The following OR1J2 variants were observed in gnomAD, a reference collection of about 807,000 sequenced individuals.
OR1J2 encodes olfactory receptor family 1 subfamily J member 2, also known as olfactory receptor 1J2.
For synonymous variants in OR1J2, 142 were observed against 99.7 expected, an observed-to-expected ratio of 1.42 and a Z score of -2.52; for missense variants, 304 against 246.1, an observed-to-expected ratio of 1.24 and a Z score of -1.57.
At chr9:122,462,875 C>T in the OR1J2 span, among the ~76,000 whole-genome samples, 2 of 152,088 alleles carry the variant, frequency 1.3e-5, no homozygotes, top group African/African-American at 2.4e-5. Context: ...TCATCTTGAC[C>T]TTAGATAACT....
chr9:122,579,424 G>A, the OR1J2 span, among the ~76,000 whole-genome samples: 15 of 151,982 alleles, frequency 9.9e-5, no homozygotes, highest in Middle Eastern at 3.2e-3. Flanking sequence ...AGATAAAGTC[G>A]CTCTTTCTCT....
At chr9:122,530,970 G>T in the OR1J2 span, among the ~76,000 whole-genome samples, 1 of 152,110 alleles carries the variant, frequency 6.6e-6, no homozygotes, top group Non-Finnish European at 1.5e-5. Context: ...GGTCACAGGG[G>T]ATATGATGGC....
At chr9:122,551,757 T>A in the OR1J2 span, among the ~76,000 whole-genome samples, 1 of 152,028 alleles carries the variant, frequency 6.6e-6, no homozygotes, top group African/African-American at 2.4e-5. Context: ...AGGTCGACCT[T>A]AACGAGCACA....
At chr9:122,551,867 C>A in the OR1J2 span, among the ~76,000 whole-genome samples, 1 of 152,126 alleles carries the variant, frequency 6.6e-6, no homozygotes, top group South Asian at 2.1e-4. Context: ...TCAGGTATTT[C>A]TAATAAACTC....
chr9:122,527,266 A>G, the OR1J2 span: 1 of 1,611,322 alleles, frequency 6.2e-7, no homozygotes, highest in Non-Finnish European at 8.5e-7. Flanking sequence ...CGGAGGAAAA[A>G]TTCAGAAATG....
the OR1J2 span, among the ~76,000 whole-genome samples, chr9:122,521,561 C>T: frequency 8.5e-5 from 13 of 152,332 alleles, no homozygotes; most frequent in Non-Finnish European, 1.5e-4. Flanking sequence ...GTGCCACCCC[C>T]ACTCCTTGCT....
the OR1J2 span, among the ~76,000 whole-genome samples, chr9:122,501,480 C>T: frequency 6.6e-6 from 1 of 152,148 alleles, no homozygotes; most frequent in Non-Finnish European, 1.5e-5. Flanking sequence ...GGGAACAGTT[C>T]CTCTCCTCAA....
chr9:122,572,091 G>A, the OR1J2 span, among the ~76,000 whole-genome samples: 36,403 of 151,912 alleles, frequency 0.24, 4,681 homozygotes, highest in African/African-American at 0.26. Flanking sequence ...GGGGGGAGGC[G>A]CTACACACTT....
the OR1J2 span, among the ~76,000 whole-genome samples, chr9:122,532,558 G>A: frequency 6.8e-6 from 1 of 146,886 alleles, no homozygotes; most frequent in African/African-American, 2.6e-5. Flanking sequence ...AATTGTGGGA[G>A]ACTCAACAAA....
At chr9:122,460,167 G>A in the OR1J2 span, among the ~76,000 whole-genome samples, 14 of 46,696 alleles carry the variant, frequency 3.0e-4, no homozygotes, top group African/African-American at 1.7e-3. Flanking sequence ...GTATGTATAT[G>A]TGTGTGTGTG....
the OR1J2 span, among the ~76,000 whole-genome samples, chr9:122,523,920 C>G: frequency 1.3e-5 from 2 of 152,198 alleles, no homozygotes; most frequent in Non-Finnish European, 2.9e-5. Context: ...GCTCATTACC[C>G]TACCAAGGTG....
chr9:122,552,197 G>A, the OR1J2 span, among the ~76,000 whole-genome samples: 6 of 151,976 alleles, frequency 3.9e-5, no homozygotes, highest in Admixed American at 3.3e-4. Context: ...ATGAACCAAA[G>A]AACAAATGGA....
the OR1J2 span, chr9:122,553,160 A>T: frequency 6.3e-7 from 1 of 1,579,602 alleles, no homozygotes; most frequent in African/African-American, 1.4e-5. Context: ...TAATAAATAA[A>T]TACTGACACA....
the OR1J2 span, among the ~76,000 whole-genome samples, chr9:122,497,048 CT>C: frequency 1.3e-5 from 2 of 152,170 alleles, no homozygotes; most frequent in Non-Finnish European, 2.9e-5. Flanking sequence ...TCCTTCCCCC[CT>C]GTACATCCCG....
chr9:122,479,737 T>C, the OR1J2 span, among the ~76,000 whole-genome samples: 1 of 152,224 alleles, frequency 6.6e-6, no homozygotes, highest in Non-Finnish European at 1.5e-5. Context: ...CTTATTTTGG[T>C]CTATTCTTTT....
At chr9:122,533,046 G>A in the OR1J2 span, among the ~76,000 whole-genome samples, 3 of 152,166 alleles carry the variant, frequency 2.0e-5, no homozygotes, top group African/African-American at 7.2e-5. Flanking sequence ...CCTAATGGGT[G>A]TCAGGGTCAG....
chr9:122,567,729 G>A, the OR1J2 span: 69 of 1,613,910 alleles, frequency 4.3e-5, no homozygotes, highest in Admixed American at 5.0e-5. Flanking sequence ...ATAAAAGAGC[G>A]TCACCACGGT....
the OR1J2 span, among the ~76,000 whole-genome samples, chr9:122,472,640 A>G: frequency 6.6e-6 from 1 of 152,246 alleles, no homozygotes; most frequent in East Asian, 1.9e-4. Context: ...TAAAGGTATA[A>G]TCAAGGCTAT....
At chr9:122,506,556 T>C (rs576754571), upstream of OR1J2, among the ~76,000 whole-genome samples, 10 of 152,216 alleles carry the variant, frequency 6.6e-5, no homozygotes, top group Non-Finnish European at 1.3e-4. Context: ...AATGAGAACC[T>C]TAGGAACACT....
Sources: gnomAD v4.1 joint callset for allele counts (sites outside exome capture counted in the v4.1 genomes callset) on GRCh38, gnomAD v4.1.1 for gene constraint, MANE v1.5 for transcripts, NCBI Gene and HGNC (gene_info 2026-07-23, HGNC 2026-07-21) for gene names.